CDH23: variants seen among roughly 807,000 people sequenced by gnomAD.
CDH23 encodes the protein cadherin related 23, also known as cadherin-23.
A neutral mutation model predicts 317.1 loss-of-function variants in CDH23; 189 were observed. The ratio of observed to expected loss-of-function variants is 0.60; its 90% CI spans 0.53 to 0.67. CDH23 has a LOEUF of 0.67. Ranked by LOEUF, CDH23 falls within the 30% of genes least tolerant of loss-of-function variation. CDH23 has a pLI of 0.00. For missense variants in CDH23, 4,401 were observed against 4,592.4 expected (o/e 0.96, Z 1.20); for synonymous variants, 1,839 against 1,876.8 (o/e 0.98, Z 0.52).
At chr10:71,732,444 T>C (rs1411605740) in intron 32 of CDH23, 69 bp downstream of exon 32, 2 of 1,538,484 alleles carry the variant, frequency 1.3e-6, no homozygotes, top group Non-Finnish European at 1.8e-6. Flanking sequence ...TCCTTCTGTG[T>C]GCACAGCACT....
intron 38 of CDH23, among the ~76,000 whole-genome samples, chr10:71,754,416 C>A (rs925550732): frequency 6.6e-6 from 1 of 152,156 alleles, no homozygotes; most frequent in Non-Finnish European, 1.5e-5. Context: ...AGCCACCTGG[C>A]ACCAGAGCAA....
At chr10:71,611,676 C>T (rs1860903855) in intron 9 of CDH23, among the ~76,000 whole-genome samples, 1 of 152,228 alleles carries the variant, frequency 6.6e-6, no homozygotes, top group South Asian at 2.1e-4. Flanking sequence ...CAGTAAGTAG[C>T]AGACCCATGA....
In CDH23 at chr10:71,567,859, C is replaced by T. The variant is rs145124807; in HGVS notation, c.624+923C>T. Among the ~76,000 whole-genome samples the T allele has an allele frequency of 8.8e-3, 1,341 of 152,344 alleles. 23 individuals carry two copies. Among genetic ancestry groups the T allele is most frequent in the Admixed American group, 0.047 (721 of 15,302 alleles). On this transcript the variant is annotated intron_variant, in intron 7 of 69. Coordinates refer to ENST00000224721, the MANE Select transcript of CDH23 (RefSeq NM_022124.6). ...CCTTAGATTCTGTTGACAAAGCTTA[C>T]GCCAAGAGCAAAAAAACATGGGAGT...
chr10:71,526,773 C>T (rs976732956), intron 6 of CDH23, among the ~76,000 whole-genome samples: 4 of 152,136 alleles, frequency 2.6e-5, no homozygotes, highest in Non-Finnish European at 4.4e-5. Flanking sequence ...CAATCTATGG[C>T]CAAGGCGTTG....
intron 38 of CDH23, among the ~76,000 whole-genome samples, chr10:71,759,042 G>T (rs1370028263): frequency 2.0e-5 from 3 of 151,258 alleles, no homozygotes; most frequent in African/African-American, 7.3e-5. Context: ...GCAAATTTTG[G>T]GTTGTTTTTT....
chr10:71,407,996 G>A (rs112770379), intron 1 of CDH23, among the ~76,000 whole-genome samples: 12 of 152,188 alleles, frequency 7.9e-5, no homozygotes, highest in African/African-American at 2.4e-4. Context: ...CCTAAAAATC[G>A]TGCTATGCAA....
At chr10:71,701,161 G>A (rs887838174) in intron 22 of CDH23, among the ~76,000 whole-genome samples, 2 of 152,196 alleles carry the variant, frequency 1.3e-5, no homozygotes, top group African/African-American at 4.8e-5. Flanking sequence ...TGGGAGCTGG[G>A]TCAGCTCCAA....
At chr10:71,483,130 G>A (rs1001785663) in intron 3 of CDH23, among the ~76,000 whole-genome samples, 39 of 152,350 alleles carry the variant, frequency 2.6e-4, no homozygotes, top group African/African-American at 8.2e-4. Flanking sequence ...CTGGGTGCCA[G>A]TAAGGCTGGG....
chr10:71,644,470 G>A (rs1048076304), intron 12 of CDH23, among the ~76,000 whole-genome samples: 6 of 152,254 alleles, frequency 3.9e-5, no homozygotes, highest in African/African-American at 7.2e-5. Context: ...AGCCCCAGGG[G>A]CCCATGAATC....
intron 38 of CDH23, among the ~76,000 whole-genome samples, chr10:71,766,343 A>C (rs553003513): frequency 6.6e-6 from 1 of 152,090 alleles, no homozygotes; most frequent in Non-Finnish European, 1.5e-5. Context: ...TGCTGCTGTC[A>C]AGACCCAGGC....
chr10:71,468,240 G>A (rs1007856767), intron 3 of CDH23, among the ~76,000 whole-genome samples: 74 of 152,208 alleles, frequency 4.9e-4, no homozygotes, highest in Admixed American at 4.5e-3. Flanking sequence ...ACAGGGTCCC[G>A]CTGTGGGGCC....
At chr10:71,760,741 A>G in intron 38 of CDH23, 1 of 824,104 alleles carries the variant, frequency 1.2e-6, no homozygotes, top group East Asian at 2.4e-5. Flanking sequence ...AGCAGCAGAA[A>G]AGGAGGAGGA....
At chr10:71,617,444 A>C (rs769579674) in intron 11 of CDH23, 51 bp downstream of exon 11, 1 of 1,589,090 alleles carries the variant, frequency 6.3e-7, no homozygotes. Flanking sequence ...ATCCAGACCC[A>C]CCACCCTGCC....
At chr10:71,776,189 C>T (rs1258491071) in intron 38 of CDH23, among the ~76,000 whole-genome samples, 1 of 152,208 alleles carries the variant, frequency 6.6e-6, no homozygotes, top group Admixed American at 6.5e-5. Context: ...CTTTGGAAAC[C>T]GTTTCAGCAA....
intron 15 of CDH23, 128 bp downstream of exon 15, chr10:71,675,304 A>C: frequency 1.3e-6 from 1 of 759,920 alleles, no homozygotes. Flanking sequence ...AGAGCACTGG[A>C]CTGGAAGTTG....
chr10:71,726,291 A>G (rs1866806598), intron 30 of CDH23, among the ~76,000 whole-genome samples: 1 of 152,110 alleles, frequency 6.6e-6, no homozygotes, highest in Admixed American at 6.5e-5. Context: ...AGAGTCAGGC[A>G]GAGCAAGCAG....
At chr10:71,795,116 G>T (rs1380565221) in intron 48 of CDH23, among the ~76,000 whole-genome samples, 1 of 152,052 alleles carries the variant, frequency 6.6e-6, no homozygotes, top group African/African-American at 2.4e-5. Context: ...AATAATACAT[G>T]ATTTTCAGAA....
chr10:71,639,096 G>T (rs188407779), intron 11 of CDH23, among the ~76,000 whole-genome samples: 5 of 152,178 alleles, frequency 3.3e-5, no homozygotes, highest in African/African-American at 7.2e-5. Context: ...CGGCCTCCCC[G>T]CGGGCAGCTG....
intron 6 of CDH23, among the ~76,000 whole-genome samples, chr10:71,565,040 G>C (rs1305738453): frequency 6.6e-6 from 1 of 152,214 alleles, no homozygotes; most frequent in Non-Finnish European, 1.5e-5. Flanking sequence ...TCTGAAATCA[G>C]AATGTGGCCC....
Sources: allele counts gnomAD v4.1 joint callset (sites outside exome capture counted in the v4.1 genomes callset), GRCh38; gene constraint gnomAD v4.1.1; transcripts MANE v1.5; gene names NCBI Gene and HGNC (gene_info 2026-07-23, HGNC 2026-07-21).